The following PACRG variants were observed in gnomAD, a reference collection of about 807,000 sequenced individuals.
PACRG encodes the protein parkin coregulated gene protein.
A neutral mutation model predicts 29.7 loss-of-function variants in PACRG; 29 were observed. That is an observed-to-expected ratio of 0.98 (90% CI 0.73 to 1.33). The LOEUF (loss-of-function observed/expected upper bound fraction) is 1.33, where lower values mean the gene tolerates loss of function less well. Ranked by LOEUF, PACRG falls within the 40% of genes most tolerant of loss-of-function variation. The pLI, the probability that PACRG is intolerant of heterozygous loss-of-function variation, is 0.00. For missense variants in PACRG, 279 were observed against 316.2 expected (o/e 0.88, Z 0.89); for synonymous variants, 116 against 118.7 (o/e 0.98, Z 0.15).
intron 4 of PACRG, among the ~76,000 whole-genome samples, chr6:163,224,090 C>A (rs1486870644): frequency 6.6e-6 from 1 of 152,020 alleles, no homozygotes; most frequent in African/African-American, 2.4e-5. Context: ...AAGCTGGGAC[C>A]AGGCGTGGTG....
intron 4 of PACRG, among the ~76,000 whole-genome samples, chr6:163,235,542 G>T (rs1782202479): frequency 6.6e-6 from 1 of 152,150 alleles, no homozygotes; most frequent in Admixed American, 6.5e-5. Flanking sequence ...CCTTGGAGAA[G>T]GGGTTTTCCT....
chr6:162,737,771 T>A (rs1004059517), intron 1 of PACRG, among the ~76,000 whole-genome samples: 3 of 152,144 alleles, frequency 2.0e-5, no homozygotes, highest in Non-Finnish European at 4.4e-5. Flanking sequence ...TTGGAAATGA[T>A]CATATAACTC....
At chr6:163,171,254 AT>A (rs1232152314) in intron 4 of PACRG, among the ~76,000 whole-genome samples, 1 of 150,742 alleles carries the variant, frequency 6.6e-6, no homozygotes, top group African/African-American at 2.5e-5. Flanking sequence ...AGTAGTCAAG[AT>A]GAGAAAAGAA....
intron 2 of PACRG, among the ~76,000 whole-genome samples, chr6:162,900,381 T>C (rs995954268): frequency 2.0e-5 from 3 of 152,134 alleles, no homozygotes; most frequent in Non-Finnish European, 4.4e-5. Flanking sequence ...TCCTAGGTGA[T>C]TCCTACAAGG....
intron 2 of PACRG, among the ~76,000 whole-genome samples, chr6:162,895,082 G>A (rs1055704230): frequency 1.3e-5 from 2 of 151,386 alleles, no homozygotes; most frequent in Non-Finnish European, 2.9e-5. Context: ...GCAACATGGT[G>A]AGATCCCCGT....
intron 3 of PACRG, among the ~76,000 whole-genome samples, chr6:163,081,932 A>C (rs1177545600): frequency 6.6e-6 from 1 of 152,232 alleles, no homozygotes; most frequent in African/African-American, 2.4e-5. Flanking sequence ...TGACCAAAAA[A>C]GGAGAGATAA....
chr6:163,104,342 C>G (rs1815264865), intron 4 of PACRG, among the ~76,000 whole-genome samples: 1 of 152,148 alleles, frequency 6.6e-6, no homozygotes, highest in Non-Finnish European at 1.5e-5. Context: ...TTAATCCCAG[C>G]CAAATTCCTT....
chr6:163,148,983 G>T (rs1217972879), intron 4 of PACRG, among the ~76,000 whole-genome samples: 2 of 18,348 alleles, frequency 1.1e-4, no homozygotes, highest in Non-Finnish European at 2.3e-4. Context: ...GGGGGGGGGT[G>T]GAAAAATGTC....
intron 2 of PACRG, among the ~76,000 whole-genome samples, chr6:163,040,019 T>C (rs1196825412): frequency 6.6e-6 from 1 of 152,200 alleles, no homozygotes; most frequent in East Asian, 1.9e-4. Context: ...TCAGAGATCT[T>C]CATGGCAGCC....
intron 4 of PACRG, among the ~76,000 whole-genome samples, chr6:163,221,831 C>T (rs980351328): frequency 8.1e-4 from 120 of 148,514 alleles, no homozygotes; most frequent in Non-Finnish European, 2.5e-4. Flanking sequence ...CCCTGCCAGG[C>T]ACAGGTGTGT....
intron 1 of PACRG, among the ~76,000 whole-genome samples, chr6:162,737,100 TC>T (rs1455738650): frequency 6.6e-6 from 1 of 152,176 alleles, no homozygotes; most frequent in Non-Finnish European, 1.5e-5. Context: ...AAAACCCCAA[TC>T]AAGGTTTTAT....
intron 2 of PACRG, among the ~76,000 whole-genome samples, chr6:162,905,717 G>A (rs1196940282): frequency 2.0e-5 from 3 of 152,080 alleles, no homozygotes; most frequent in Middle Eastern, 3.2e-3. Flanking sequence ...ACCTAATTTA[G>A]CTTCCAATTA....
chr6:162,795,845 A>T (rs1785339038), intron 1 of PACRG, among the ~76,000 whole-genome samples: 1 of 152,088 alleles, frequency 6.6e-6, no homozygotes. Context: ...ATTTTTTGTT[A>T]CTATAATTGA....
At chr6:162,751,295 A>G (rs762022431) in intron 1 of PACRG, among the ~76,000 whole-genome samples, 3 of 152,152 alleles carry the variant, frequency 2.0e-5, no homozygotes, top group Non-Finnish European at 4.4e-5. Flanking sequence ...AAAAAATTTC[A>G]TATCTAAGCA....
intron 2 of PACRG, among the ~76,000 whole-genome samples, chr6:162,846,584 ACT>A (rs1192395729): frequency 1.3e-5 from 2 of 151,874 alleles, no homozygotes; most frequent in African/African-American, 4.8e-5. Flanking sequence ...TTAGTAGGAG[ACT>A]CTAATAATCA....
intron 1 of PACRG, among the ~76,000 whole-genome samples, chr6:162,754,931 A>G (rs1167391017): frequency 2.6e-5 from 4 of 151,980 alleles, no homozygotes; most frequent in African/African-American, 7.3e-5. Flanking sequence ...TTGGTGGGGG[A>G]CTTTTACAGG....
chr6:163,082,680 G>A (rs1045214775), intron 3 of PACRG, among the ~76,000 whole-genome samples: 14 of 152,132 alleles, frequency 9.2e-5, no homozygotes, highest in Non-Finnish European at 2.1e-4. Flanking sequence ...AATGAGGTCC[G>A]AGTGCAAATA....
At chr6:162,951,248 C>T (rs979176743) in intron 2 of PACRG, among the ~76,000 whole-genome samples, 1 of 152,180 alleles carries the variant, frequency 6.6e-6, no homozygotes, top group Non-Finnish European at 1.5e-5. Context: ...GCAAAAGTTC[C>T]CTCCCAGGTT....
intron 4 of PACRG, among the ~76,000 whole-genome samples, chr6:163,308,642 GA>G (rs1785281226): frequency 6.8e-6 from 1 of 147,562 alleles, no homozygotes; most frequent in Admixed American, 6.8e-5. Context: ...CTTCAGCTTG[GA>G]CCACAGAGTG....
Sources: gnomAD v4.1 joint callset for allele counts (sites outside exome capture counted in the v4.1 genomes callset) on GRCh38, gnomAD v4.1.1 for gene constraint, MANE v1.5 for transcripts, NCBI Gene and HGNC (gene_info 2026-07-23, HGNC 2026-07-21) for gene names.